Variants in UNC13A observed in about 807,000 individuals in gnomAD.
The protein encoded by UNC13A is protein unc-13 homolog A.
A neutral mutation model predicts 219.7 loss-of-function variants in UNC13A; 61 were observed. The observed-to-expected ratio is 0.28, with a 90% CI of 0.23 to 0.34. The LOEUF (loss-of-function observed/expected upper bound fraction) is 0.34. Ranked by LOEUF, UNC13A falls within the 10% of genes least tolerant of loss-of-function variation. The pLI is 1.00. For missense variants in UNC13A, 1,476 were observed against 2,270.3 expected, an observed-to-expected ratio of 0.65 and a Z score of 7.11; for synonymous variants, 920 against 884.6, an observed-to-expected ratio of 1.04 and a Z score of -0.71.
chr19:17,681,558 A>T (rs150382239), intron 1 of UNC13A, among the ~76,000 whole-genome samples: 1 of 152,184 alleles, frequency 6.6e-6, no homozygotes, highest in African/African-American at 2.4e-5. Flanking sequence ...AGTGTAAAAA[A>T]CACCAAGAAC....
At chr19:17,639,396 A>G in intron 24 of UNC13A, 40 bp downstream of exon 24, 1 of 1,595,406 alleles carries the variant, frequency 6.3e-7, no homozygotes, top group South Asian at 1.1e-5. Context: ...ATCCTAGAGA[A>G]CCCTCCTTGG....
At chr19:17,676,272 G>A in intron 1 of UNC13A, 1 of 657,242 alleles carries the variant, frequency 1.5e-6, no homozygotes. Flanking sequence ...GAGGAGGCAG[G>A]GATGAGAGGG....
chr19:17,666,538 C>T (rs2079650440), intron 7 of UNC13A, 112 bp downstream of exon 7: 2 of 780,930 alleles, frequency 2.6e-6, no homozygotes, highest in Non-Finnish European at 3.7e-6. Context: ...GGACACTGCA[C>T]TCTCAGGACT....
intron 8 of UNC13A, among the ~76,000 whole-genome samples, chr19:17,659,008 A>G (rs1418545415): frequency 6.6e-6 from 1 of 152,026 alleles, no homozygotes; most frequent in Non-Finnish European, 1.5e-5. Flanking sequence ...TCTAAAAGCA[A>G]CATGTCTGGG....
intron 43 of UNC13A, among the ~76,000 whole-genome samples, chr19:17,608,871 G>A (rs1312292733): frequency 1.3e-5 from 2 of 151,478 alleles, no homozygotes; most frequent in Admixed American, 1.3e-4. Context: ...GGCTGGTCTC[G>A]AACTCCTGGC....
chr19:17,631,509 G>A (rs1174646537), intron 28 of UNC13A, among the ~76,000 whole-genome samples: 1 of 151,794 alleles, frequency 6.6e-6, no homozygotes, highest in Non-Finnish European at 1.5e-5. Flanking sequence ...TTACAGGAAT[G>A]AGCCACCGCA....
chr19:17,642,819 G>T, intron 20 of UNC13A, 26 bp downstream of exon 20: 1 of 1,572,536 alleles, frequency 6.4e-7, no homozygotes, highest in South Asian at 1.2e-5. Flanking sequence ...GAAGTGGCAT[G>T]GGAGGGGCCG....
chr19:17,616,016 T>C (rs905239865), intron 41 of UNC13A, among the ~76,000 whole-genome samples: 10 of 152,136 alleles, frequency 6.6e-5, no homozygotes, highest in South Asian at 6.2e-4. Context: ...GTAGGGTCCT[T>C]GACTGTCCCC....
chr19:17,629,969 T>C (rs1396251861), intron 30 of UNC13A, among the ~76,000 whole-genome samples, 176 bp downstream of exon 30: 8 of 151,364 alleles, frequency 5.3e-5, no homozygotes, highest in African/African-American at 1.9e-4. Flanking sequence ...CATCTCAACC[T>C]CAACCTCAAC....
Position 17,680,874 on chromosome 19 carries a change from T to TTC in UNC13A, c.23-4834_23-4833insGA, listed in dbSNP as rs1555699347. Among the ~76,000 whole-genome samples, 46 of 133,176 alleles carry TTC rather than the reference T, an allele frequency of 3.5e-4. 1 individual carries two copies. Among genetic ancestry groups the TTC allele is most frequent in the African/African-American group, 1.3e-3 (46 of 35,154 alleles). 87.4% of individuals were successfully genotyped at this position (133,176 alleles called of 152,430 possible). A position where few individuals can be genotyped will look rare whatever the true frequency, so the allele number is the denominator to read the frequency against. ...TCTTTTCTCTTCTTCTTCTTCTTTTTTTTTCTTTTCTTTTCTTTTTTTTTT... is the reference window on the plus strand; with the variant it reads ...TCTTTTCTCTTCTTCTTCTTCTTTTTTCTTTTCTTTTCTTTTCTTTTTTTTTT... On this transcript the variant is annotated intron_variant, in intron 1 of 43. Coordinates refer to ENST00000519716, the MANE Select transcript of UNC13A (RefSeq NM_001080421.3).
In UNC13A at chr19:17,630,651, T is replaced by C. The variant is rs1207656840; in HGVS notation, c.3525+3A>G. 3 of 1,613,810 alleles carry C rather than the reference T, an allele frequency of 1.9e-6. No homozygotes were observed. Among genetic ancestry groups the C allele is most frequent in the Middle Eastern group, 1.6e-4 (1 of 6,084 alleles). ...GAACTTGGTTGTGGGTGGGCCTTCT[T>C]ACCCCATCCTTCTTGTCTCGCTCCA... On this transcript the variant is annotated splice_donor_region_variant and intron_variant, in intron 29 of 43. Coordinates refer to ENST00000519716, the MANE Select transcript of UNC13A (RefSeq NM_001080421.3).
rs1363999098 is a variant in UNC13A, at chr19:17,627,938, G to A, written c.3756C>T (p.Pro1252=). 6.3e-7 allele frequency: 1 copy of A among 1,591,828 alleles called. No homozygotes were observed. Among genetic ancestry groups the A allele is most frequent in the Non-Finnish European group, 8.6e-7 (1 of 1,167,242 alleles). The change falls in exon 32 of 44, where the codon CCC becomes CCT. Residue 1252 remains proline (P), a splice_region_variant and synonymous_variant. Transcript: ENST00000519716. The surrounding 1 kb of genome is among the most constrained non-coding windows in gnomAD (Gnocchi z 4.7). ...GTTGAGTGTTATTCATGAGAATGCA[G>A]GGCTGTGGGTGGGAACAGAGAGGGG... ...SYCSKEKEKV[P]CILMNNTQQL... is the part of the protein sequence containing the mutation.
chr19:17,631,188 T>C (rs1367908536), intron 28 of UNC13A, among the ~76,000 whole-genome samples: 656 of 24,868 alleles, frequency 0.026, 64 homozygotes, highest in Middle Eastern at 0.04. Context: ...CTTTCCTTCC[T>C]TCCCTCCCTC....
intron 19 of UNC13A, among the ~76,000 whole-genome samples, chr19:17,643,302 G>A (rs62121688): frequency 0.19 from 28,154 of 150,364 alleles, 2,956 homozygotes; most frequent in Middle Eastern, 0.25. Flanking sequence ...GTGAGTCACC[G>A]CGCCCGGCCA....
chr19:17,643,141 A>G lies in UNC13A; in HGVS notation c.2357-181T>C, dbSNP rs530068442. ...ATTCTCCTGTCTCAGCCTCCCAACT[A>G]GCTGGAATTACAGGTGCCTGCCACC... On this transcript the variant is annotated intron_variant, in intron 19 of 43. Transcript: ENST00000519716. Among the ~76,000 whole-genome samples, 4 of 151,942 alleles carry G rather than the reference A, an allele frequency of 2.6e-5. No individual in the cohort carries two copies. The South Asian group carries it at 8.3e-4, about 32-fold the overall frequency.
chr19:17,655,449 C>A, intron 10 of UNC13A, 67 bp from the exon 11 acceptor site: 1 of 1,282,152 alleles, frequency 7.8e-7, no homozygotes. Flanking sequence ...CCTTGACCCT[C>A]CAGCTGTGCA....
chr19:17,611,427 T>C (rs1423586557), intron 42 of UNC13A, among the ~76,000 whole-genome samples: 1 of 152,206 alleles, frequency 6.6e-6, no homozygotes. Flanking sequence ...ATCCGCCAGC[T>C]TTGGCCTCCC....
chr19:17,664,682 G>T (rs1168156843), intron 7 of UNC13A, among the ~76,000 whole-genome samples: 1 of 152,132 alleles, frequency 6.6e-6, no homozygotes, highest in Non-Finnish European at 1.5e-5. Context: ...CACCAAGCGG[G>T]GGTTTGTAAT....
chr19:17,636,549 G>A (rs2076914580), intron 25 of UNC13A, among the ~76,000 whole-genome samples: 1 of 152,160 alleles, frequency 6.6e-6, no homozygotes, highest in Non-Finnish European at 1.5e-5. Flanking sequence ...ACTGAATGGA[G>A]TGCAATTCAA....
Sources: gnomAD v4.1 joint callset for allele counts (sites outside exome capture counted in the v4.1 genomes callset) on GRCh38, gnomAD v4.1.1 for gene constraint, Gnocchi (gnomAD v3.1) non-coding constraint, MANE v1.5 for transcripts, NCBI Gene and HGNC (gene_info 2026-07-23, HGNC 2026-07-21) for gene names.